The following DOCK2 variants were observed in gnomAD, a reference collection of about 807,000 sequenced individuals.
DOCK2 encodes the protein dedicator of cytokinesis protein 2.
In DOCK2, 87 loss-of-function variants were observed where a neutral mutation model predicts 248.9. That is an observed-to-expected ratio of 0.35 (90% confidence interval 0.29 to 0.42). DOCK2 has a LOEUF of 0.42. Among genes scored for constraint, DOCK2 ranks in the 10% least tolerant of loss-of-function variants. The pLI is 1.00. For synonymous variants in DOCK2, 805 were observed against 821.6 expected, an observed-to-expected ratio of 0.98 and a Z score of 0.35; for missense variants, 1,747 against 2,300.2, an observed-to-expected ratio of 0.76 and a Z score of 4.92.
intron 10 of DOCK2, among the ~76,000 whole-genome samples, chr5:169,697,400 G>T (rs979814323): frequency 5.3e-5 from 8 of 152,210 alleles, no homozygotes; most frequent in African/African-American, 1.7e-4. Context: ...CCAGTGGAAA[G>T]AATGTACCTC....
intron 25 of DOCK2, among the ~76,000 whole-genome samples, chr5:169,774,227 A>T (rs1765253137): frequency 6.6e-6 from 1 of 152,216 alleles, no homozygotes; most frequent in Non-Finnish European, 1.5e-5. Flanking sequence ...ATTTATTAAA[A>T]ATCTAAAACT....
intron 50 of DOCK2, 191 bp downstream of exon 50, chr5:170,080,474 T>C (rs1174393979): frequency 1.2e-6 from 1 of 825,382 alleles, no homozygotes; most frequent in Non-Finnish European, 1.8e-6. Context: ...GGTGACACCA[T>C]CCCAGCAAGC....
intron 36 of DOCK2, among the ~76,000 whole-genome samples, chr5:170,039,791 C>G (rs140034144): frequency 2.2e-3 from 328 of 152,296 alleles, no homozygotes; most frequent in African/African-American, 6.6e-3. Context: ...ACCCTGTGTT[C>G]CCTGGTGTGA....
At chr5:169,679,492 C>T (rs887497877) in intron 6 of DOCK2, among the ~76,000 whole-genome samples, 11 of 152,188 alleles carry the variant, frequency 7.2e-5, no homozygotes, top group African/African-American at 2.7e-4. Flanking sequence ...TTGAGGAATC[C>T]TCAAATGACT....
rs147312704 is a variant in DOCK2 at position 169,637,661 on chromosome 5, C to G, written c.43+292C>G. Among the ~76,000 whole-genome samples, 121 of 152,308 alleles carry G rather than the reference C, an allele frequency of 7.9e-4. No individual in the cohort carries two copies. The East Asian group carries it at 0.018, about 23-fold the overall frequency. ...CGCTTGACAACTCAGTTCTTCGCGC[C>G]AAACTCGGCGTCCCCAGGAGTGCCC... On this transcript the variant is annotated intron_variant, in intron 1 of 51. Coordinates refer to ENST00000520908, the MANE Select transcript of DOCK2 (RefSeq NM_004946.3).
chr5:169,912,563 T>A (rs1233185021), intron 27 of DOCK2, among the ~76,000 whole-genome samples: 1 of 152,144 alleles, frequency 6.6e-6, no homozygotes, highest in Admixed American at 6.6e-5. Flanking sequence ...TTCTTTCCAC[T>A]TAAAACCATT....
chr5:169,775,189 C>T (rs533894741), intron 25 of DOCK2, among the ~76,000 whole-genome samples: 62 of 152,272 alleles, frequency 4.1e-4, no homozygotes, highest in Middle Eastern at 3.4e-3. Flanking sequence ...GGATTACAGG[C>T]ATGAGCCACC....
rs56728646 is a variant in DOCK2, at chr5:169,915,557, AACACACACACACACACAC to A, written c.2800-67483_2800-67466del. Among the ~76,000 whole-genome samples, 224 of 143,488 alleles carry A rather than the reference AACACACACACACACACAC, an allele frequency of 1.6e-3. 1 individual carries two copies. The highest frequency in any genetic ancestry group is 0.013 in the East Asian group (64 of 4,852). 94.1% of individuals were successfully genotyped at this position (143,488 alleles called of 152,430 possible). On this transcript the variant is annotated intron_variant, in intron 27 of 51. Transcript: ENST00000520908. The stretch of plus-strand genomic sequence containing the variant: ...GAAAATATTTGAGGAATTGACAGGG[AACACACACACACACACAC>A]ACACACACACACACACACACACACA...
chr5:170,054,491 C>T (rs1757040452), intron 41 of DOCK2, among the ~76,000 whole-genome samples: 1 of 152,188 alleles, frequency 6.6e-6, no homozygotes, highest in African/African-American at 2.4e-5. Flanking sequence ...AGTGCTTTTC[C>T]AATATCTGTG....
chr5:169,889,418 T>C (rs1456925437), intron 27 of DOCK2, among the ~76,000 whole-genome samples: 1 of 152,214 alleles, frequency 6.6e-6, no homozygotes, highest in Non-Finnish European at 1.5e-5. Context: ...GAAAAAGACC[T>C]GATCCCTATT....
intron 27 of DOCK2, among the ~76,000 whole-genome samples, chr5:169,859,958 C>CTTTTTTTTTTTTTTTTTTTTTTTTTTTTT (rs759586059): frequency 1.9e-5 from 2 of 107,220 alleles, no homozygotes; most frequent in Non-Finnish European, 1.8e-5. Context: ...GTGGATCCTT[C>CTTTTTTTTTTTTTTTTTTTTTTTTTTTTT]TTTTTTTTTT....
intron 27 of DOCK2, among the ~76,000 whole-genome samples, chr5:169,860,870 G>T (rs896330696): frequency 6.6e-6 from 1 of 152,170 alleles, no homozygotes; most frequent in Non-Finnish European, 1.5e-5. Context: ...TAGCAACAGG[G>T]TTTAGCAAGA....
chr5:169,801,792 G>T lies in DOCK2; in HGVS notation c.2555-1266G>T, dbSNP rs533730840. On this transcript the variant is annotated intron_variant, in intron 25 of 51. Transcript: ENST00000520908. ...TGACCTTTGTCTTATTCTAATTTCT[G>T]CCATTGTTCATTGGTTTTGCTTTTT... Among the ~76,000 whole-genome samples the T allele has an allele frequency of 2.0e-5, 3 of 146,352 alleles. 1 individual carries two copies. The South Asian group carries it at 6.8e-4, about 33-fold the overall frequency.
chr5:169,864,837 A>ACTGACAG (rs1771442836), intron 27 of DOCK2, among the ~76,000 whole-genome samples: 1 of 152,200 alleles, frequency 6.6e-6, no homozygotes, highest in African/African-American at 2.4e-5. Flanking sequence ...AGACAAGAAA[A>ACTGACAG]CTGACAGCTC....
intron 27 of DOCK2, among the ~76,000 whole-genome samples, chr5:169,927,623 T>G (rs1236467452): frequency 6.6e-6 from 1 of 151,990 alleles, no homozygotes; most frequent in East Asian, 1.9e-4. Context: ...ATAGGAAAAA[T>G]TCTTGTTTTT....
intron 27 of DOCK2, among the ~76,000 whole-genome samples, chr5:169,949,321 C>A (rs1175100239): frequency 6.6e-6 from 1 of 152,088 alleles, no homozygotes; most frequent in Non-Finnish European, 1.5e-5. Context: ...GTGGACAGAA[C>A]TGTAAATAGA....
At chr5:170,052,291 G>A (rs1756946385) in intron 41 of DOCK2, among the ~76,000 whole-genome samples, 3 of 152,158 alleles carry the variant, frequency 2.0e-5, no homozygotes, top group Non-Finnish European at 4.4e-5. Context: ...GGGCTGGGCT[G>A]GTTACAAATA....
chr5:169,871,794 T>C (rs768472118), intron 27 of DOCK2, among the ~76,000 whole-genome samples: 1 of 152,236 alleles, frequency 6.6e-6, no homozygotes, highest in African/African-American at 2.4e-5. Flanking sequence ...CTGGGGTGCA[T>C]GGGGGACGCT....
chr5:169,684,098 T>C lies in DOCK2; in HGVS notation c.607-98T>C, dbSNP rs1223262498. 3.5e-4 allele frequency: 514 copies of C among 1,463,178 alleles called. 4 individuals are homozygous for C. Among genetic ancestry groups the C allele is most frequent in the Middle Eastern group, 1.8e-4 (1 of 5,590 alleles). The allele number at this position is 1,463,178 out of a possible 1,614,324, so 90.6% of individuals were successfully genotyped here. Reference sequence around the variant, plus strand: ...AGAGCTGGATGGAATGCCCAAACTTTAGGCTTGAACCCAATATCCTTGACT... The same window carrying C: ...AGAGCTGGATGGAATGCCCAAACTTCAGGCTTGAACCCAATATCCTTGACT... On this transcript the variant is annotated intron_variant, in intron 7 of 51. Transcript: ENST00000520908.
Sources: allele counts gnomAD v4.1 joint callset (sites outside exome capture counted in the v4.1 genomes callset), GRCh38; gene constraint gnomAD v4.1.1; transcripts MANE v1.5; gene names NCBI Gene and HGNC (gene_info 2026-07-23, HGNC 2026-07-21).